ABCF2: variants seen among roughly 807,000 people sequenced by gnomAD.
ABCF2 encodes ATP-binding cassette sub-family F member 2.
ABCF2 carries 37 observed loss-of-function variants against 76.9 expected under a neutral mutation model. The ratio of observed to expected loss-of-function variants is 0.48; its 90% CI spans 0.37 to 0.63. The LOEUF is 0.63. Among genes scored for constraint, ABCF2 ranks in the 30% least tolerant of loss-of-function variants. ABCF2 has a pLI of 0.00. For synonymous variants in ABCF2, 299 were observed against 283.7 expected, an observed-to-expected ratio of 1.05 and a Z score of -0.54; for missense variants, 524 against 782.1, an observed-to-expected ratio of 0.67 and a Z score of 3.94.
At position 151,222,626 on chromosome 7, in the gene ABCF2, G is replaced by A. The variant is rs541022770; in HGVS notation, c.723-10C>T. The stretch of plus-strand genomic sequence containing the variant: ...CCGAATAAAGAGGGCTCTGAAGGAC[G>A]GTAAAGGAGACAGAAGCACCTCAGA... On this transcript the variant is annotated splice_polypyrimidine_tract_variant and intron_variant, in intron 5 of 14. Transcript: ENST00000287844. 9.3e-6 allele frequency: 15 copies of A among 1,610,110 alleles called. No individual in the cohort carries two copies. The Admixed American group carries it at 1.3e-4, about 14-fold the overall frequency.
chr7:151,212,629 C>T lies in ABCF2; in HGVS notation c.*1425G>A, dbSNP rs1456513616. On this transcript the variant is annotated 3_prime_UTR_variant, in exon 15 of 15. Coordinates refer to ENST00000287844, the MANE Select transcript of ABCF2 (RefSeq NM_007189.3). ...CTCCTCTTATCAGAGCAGCTGGGACCGCAGGCACATGCTACTATGCCCGGT... is the reference window on the plus strand; with the variant it reads ...CTCCTCTTATCAGAGCAGCTGGGACTGCAGGCACATGCTACTATGCCCGGT... 9.9e-6 allele frequency: 3 copies of T among 302,802 alleles called. No individual in the cohort carries two copies. The highest frequency in any genetic ancestry group is 1.7e-4 in the East Asian group (1 of 5,774). The allele number at this position is 302,802 out of a possible 1,614,324, so 18.8% of individuals were successfully genotyped here.
intron 7 of ABCF2, among the ~76,000 whole-genome samples, chr7:151,220,387 C>CAAA (rs10706364): frequency 5.0e-4 from 41 of 82,474 alleles, no homozygotes; most frequent in South Asian, 1.4e-3. Context: ...GACTCCAGCT[C>CAAA]AAAAAAAAAA....
chr7:151,218,333 C>A, intron 10 of ABCF2, 142 bp from the exon 11 acceptor site: 1 of 704,574 alleles, frequency 1.4e-6, no homozygotes, highest in East Asian at 2.7e-5. Context: ...GCAGACCCCG[C>A]CTCGCCCACT....
rs1360470832 is a variant in ABCF2 at position 151,212,812 on chromosome 7, T to C, written c.*1242A>G. 1 of 155,914 alleles carries C rather than the reference T, an allele frequency of 6.4e-6. No individual in the cohort carries two copies. The highest frequency in any genetic ancestry group is 1.4e-5 in the Non-Finnish European group (1 of 71,662). The allele number at this position is 155,914 out of a possible 1,614,324, so 9.7% of individuals were successfully genotyped here. A position where few individuals can be genotyped will look rare whatever the true frequency, so the allele number is the denominator to read the frequency against. On this transcript the variant is annotated 3_prime_UTR_variant, in exon 15 of 15. Transcript: ENST00000287844. ...CCACTGTGCCTGGCCAGTCTGCATT[T>C]TTTTGAGACAGGGTTTTGCTCTGTC...
At chr7:151,221,804 G>T in intron 6 of ABCF2, 124 bp from the exon 7 acceptor site, 2 of 717,074 alleles carry the variant, frequency 2.8e-6, no homozygotes, top group Non-Finnish European at 4.9e-6. Context: ...CCAATTCCTG[G>T]CTGTTAGCAA....
chr7:151,219,086 T>C lies in ABCF2; in HGVS notation c.995A>G (p.Gln332Arg), dbSNP rs1292718299. ...TACCTTCATGTGTGCAATCTGATCT[T>C]GCTCCCAGTGAAACCTCTTCATCTG... is the stretch of plus-strand genomic sequence containing the variant. ...ENQMKRFHWE[Q>R]DQIAHMKNYI... Residue 332 changes from glutamine (Q) to arginine (R), a missense_variant, in exon 8 of 15, where the codon CAA (glutamine) becomes CGA (arginine). Transcript: ENST00000287844. The C allele has an allele frequency of 6.2e-7, 1 of 1,614,150 alleles. No homozygotes were observed. The highest frequency in any genetic ancestry group is 1.1e-5 in the South Asian group (1 of 91,076).
At chr7:151,222,137 G>A (rs1802281035) in intron 6 of ABCF2, among the ~76,000 whole-genome samples, 1 of 152,100 alleles carries the variant, frequency 6.6e-6, no homozygotes, top group Non-Finnish European at 1.5e-5. Context: ...CAGTTCTTTA[G>A]CTGTAGGACC....
At chr7:151,223,341 T>C (rs193248519) in intron 5 of ABCF2, among the ~76,000 whole-genome samples, 1 of 152,246 alleles carries the variant, frequency 6.6e-6, no homozygotes, top group Admixed American at 6.5e-5. Context: ...TCTTTACAGC[T>C]GGAATTAGCA....
At chr7:151,217,894 C>T (rs895534903) in intron 11 of ABCF2, among the ~76,000 whole-genome samples, 187 bp downstream of exon 11, 3 of 152,148 alleles carry the variant, frequency 2.0e-5, no homozygotes, top group Non-Finnish European at 4.4e-5. Flanking sequence ...GAAAACAGCC[C>T]CCAGCCTCAG....
intron 11 of ABCF2, among the ~76,000 whole-genome samples, 172 bp from the exon 12 acceptor site, chr7:151,216,201 A>G (rs1187294642): frequency 6.6e-6 from 1 of 152,224 alleles, no homozygotes; most frequent in African/African-American, 2.4e-5. Flanking sequence ...ATATTTAGGA[A>G]GATGTACTGA....
At chr7:151,222,712 G>A (rs1407107834) in intron 5 of ABCF2, 96 bp from the exon 6 acceptor site, 5 of 932,312 alleles carry the variant, frequency 5.4e-6, no homozygotes, top group Non-Finnish European at 8.2e-6. Context: ...TTCTGAGTAG[G>A]CTCCTGGCTT....
intron 5 of ABCF2, among the ~76,000 whole-genome samples, chr7:151,223,365 A>C (rs1802309834): frequency 1.3e-5 from 2 of 152,174 alleles, no homozygotes; most frequent in Admixed American, 1.3e-4. Flanking sequence ...CTAGAGTACA[A>C]AAAGGGTGGA....
At position 151,214,060 on chromosome 7, in the gene ABCF2, G is replaced by C. The variant is rs142050158; in HGVS notation, c.1866C>G (p.Asn622Lys). ...EEPQLTKRTH[N>K]V ...CCGAACCCAGGTAGAGGGCTCACAC[G>C]TTGTGGGTCCTCTTGGTGAGCTGGG... The change falls in exon 15 of 15, where the codon AAC (asparagine) becomes AAG (lysine). Residue 622 changes from asparagine to lysine, a missense_variant. Around this residue, in one of 2 missense-constraint regions of ABCF2, gnomAD observed 194 missense variants for 348.6 expected, o/e 0.56. Coordinates refer to ENST00000287844, the MANE Select transcript of ABCF2 (RefSeq NM_007189.3). This position sits in a 1 kb window ranked among gnomAD's most constrained non-coding sequence, Gnocchi z 4.9. The C allele has an allele frequency of 6.2e-7, 1 of 1,613,844 alleles. No homozygotes were observed.
Position 151,214,837 on chromosome 7 carries a change from C to T in ABCF2, c.1734+42G>A. On this transcript the variant is annotated intron_variant, in intron 14 of 14. Transcript: ENST00000287844. The surrounding 1 kb of genome is among the most constrained non-coding windows in gnomAD (Gnocchi z 4.9). ...TGCCATGACTACCCTACCCAACCCC[C>T]TAGAAGCTCTGCTGTGCCTCACCCC... 1 of 1,602,216 alleles carries T rather than the reference C, an allele frequency of 6.2e-7. No homozygotes were observed. Among genetic ancestry groups the T allele is most frequent in the Non-Finnish European group, 8.6e-7 (1 of 1,169,472 alleles).
Position 151,212,734 on chromosome 7 carries a change from T to C in ABCF2, c.*1320A>G, listed in dbSNP as rs902382583. ...TTGAACTTCTAGGCTCAATTGATCC[T>C]CCTACAGTGGCCTCCCAAGGTGATG... On this transcript the variant is annotated 3_prime_UTR_variant, in exon 15 of 15. Transcript: ENST00000287844. 1 of 158,042 alleles carries C rather than the reference T, an allele frequency of 6.3e-6. No homozygotes were observed. The highest frequency in any genetic ancestry group is 2.4e-5 in the African/African-American group (1 of 41,530). 9.8% of individuals were successfully genotyped at this position (158,042 alleles called of 1,614,324 possible).
chr7:151,222,662 A>C, intron 5 of ABCF2, 46 bp from the exon 6 acceptor site: 2 of 1,528,394 alleles, frequency 1.3e-6, no homozygotes, highest in Non-Finnish European at 1.8e-6. Context: ...ATTATAATGG[A>C]TGTGACACAG....
At position 151,213,745 on chromosome 7, in the gene ABCF2, G is replaced by T; in HGVS notation, c.*309C>A. ...CCAAATCCAGGGCTTGGGCCCCTGG[G>T]CTAACCCGCAGGTGCCTCTGACTGC... On this transcript the variant is annotated 3_prime_UTR_variant, in exon 15 of 15. Transcript: ENST00000287844. The T allele has an allele frequency of 8.8e-7, 1 of 1,140,302 alleles. No individual in the cohort carries two copies. The highest frequency in any genetic ancestry group is 1.1e-6 in the Non-Finnish European group (1 of 928,992). 70.6% of individuals were successfully genotyped at this position (1,140,302 alleles called of 1,614,324 possible). A position where few individuals can be genotyped will look rare whatever the true frequency, so the allele number is the denominator to read the frequency against.
intron 11 of ABCF2, among the ~76,000 whole-genome samples, chr7:151,217,218 G>A (rs1019947831): frequency 1.3e-5 from 2 of 152,252 alleles, no homozygotes; most frequent in East Asian, 1.9e-4. Flanking sequence ...GCCCTGAAGA[G>A]GACACCATTC....
rs1370590905 is a variant in ABCF2 at position 151,212,290 on chromosome 7, C to T, written c.*1764G>A. 1 of 985,262 alleles carries T rather than the reference C, an allele frequency of 1.0e-6. No homozygotes were observed. The highest frequency in any genetic ancestry group is 1.7e-5 in the African/African-American group (1 of 57,194). 61.0% of individuals were successfully genotyped at this position (985,262 alleles called of 1,614,324 possible). A position where few individuals can be genotyped will look rare whatever the true frequency, so the allele number is the denominator to read the frequency against. Reference sequence around the variant, plus strand: ...AAATGCTATTGAAGTTCAAAAGACCCAGATAAGGTATGCAGAGCCCTGGGC... The same window carrying T: ...AAATGCTATTGAAGTTCAAAAGACCTAGATAAGGTATGCAGAGCCCTGGGC... On this transcript the variant is annotated 3_prime_UTR_variant, in exon 15 of 15. Coordinates refer to ENST00000287844, the MANE Select transcript of ABCF2 (RefSeq NM_007189.3).
Sources: gnomAD v4.1 joint callset for allele counts (sites outside exome capture counted in the v4.1 genomes callset) on GRCh38, gnomAD v4.1.1 for gene constraint, gnomAD v4.1.1 regional missense constraint, Gnocchi (gnomAD v3.1) non-coding constraint, MANE v1.5 for transcripts, NCBI Gene and HGNC (gene_info 2026-07-23, HGNC 2026-07-21) for gene names.